Variants in DNMT3A observed in about 807,000 individuals in gnomAD.
The protein encoded by DNMT3A is DNA methyltransferase 3 alpha, also known as DNA (cytosine-5)-methyltransferase 3A.
In DNMT3A, 267 loss-of-function variants were observed where a neutral mutation model predicts 117.6. The ratio of observed to expected loss-of-function variants is 2.27; its 90% CI spans 2.05 to 2.51. The LOEUF (loss-of-function observed/expected upper bound fraction) is 2.51, where lower values mean the gene tolerates loss of function less well. DNMT3A is among the 30% of genes most tolerant of loss of function. DNMT3A has a pLI of 0.00. For missense variants in DNMT3A, 1,029 were observed against 1,260.2 expected (o/e 0.82, Z 2.78); for synonymous variants, 432 against 474.8 (o/e 0.91, Z 1.17).
chr2:25,246,396 G>T, intron 10 of DNMT3A, 87 bp from the exon 11 acceptor site: 11 of 1,503,918 alleles, frequency 7.3e-6, no homozygotes, highest in Non-Finnish European at 9.8e-6. Context: ...AGTGGGGTGC[G>T]GCCTGGTCTC....
Position 25,252,641 on chromosome 2 carries a change from G to T in DNMT3A, c.640-4389C>A, listed in dbSNP as rs920146949. ...GGGGCCGGGGGGCCGGGAGGGGAGG[G>T]AAGGGGCTGCTCCCGAGCCGCCTGC... On this transcript the variant is annotated intron_variant, in intron 6 of 22. Transcript: ENST00000321117. The surrounding 1 kb of genome is among the most constrained non-coding windows in gnomAD (Gnocchi z 5.5). Among the ~76,000 whole-genome samples the T allele has an allele frequency of 2.0e-5, 3 of 152,088 alleles. No individual in the cohort carries two copies. The highest frequency in any genetic ancestry group is 4.4e-5 in the Non-Finnish European group (3 of 67,996).
At position 25,240,595 on chromosome 2, in the gene DNMT3A, C is replaced by T. The variant is rs202044245; in HGVS notation, c.2173+45G>A. 2.4e-3 allele frequency: 3,859 copies of T among 1,609,922 alleles called. 7 individuals carry two copies. The highest frequency in any genetic ancestry group is 3.0e-3 in the Non-Finnish European group (3,496 of 1,177,220). ...AATATCCAAGGAGGAAGCCTATGTG[C>T]GGAAGCACCAGCTGAGAAGGTGGAG... On this transcript the variant is annotated intron_variant, in intron 18 of 22. Coordinates refer to ENST00000321117, the MANE Select transcript of DNMT3A (RefSeq NM_022552.5).
Position 25,282,646 on chromosome 2 carries a change from G to A in DNMT3A, c.243C>T (p.Asp81=). The A allele has an allele frequency of 5.6e-6, 9 of 1,606,964 alleles. No individual in the cohort carries two copies. Among genetic ancestry groups the A allele is most frequent in the Non-Finnish European group, 7.6e-6 (9 of 1,176,694 alleles). ...TGGGTAATAGCTCTGAGGCGCCTGA[G>A]TCCTGGGCCATGGATGGGGACTTGG... is the stretch of plus-strand genomic sequence containing the variant. ...VISKSPSMAQ[D]SGASELLPNG... is the part of the protein sequence containing the mutation. The change falls in exon 4 of 23, where the codon GAC becomes GAT. Residue 81 remains aspartate, a synonymous_variant. Transcript: ENST00000321117. The surrounding 1 kb of genome is among the most constrained non-coding windows in gnomAD (Gnocchi z 5.2).
intron 16 of DNMT3A, 132 bp from the exon 17 acceptor site, chr2:25,241,839 A>T: frequency 2.5e-6 from 3 of 1,192,250 alleles, no homozygotes; most frequent in African/African-American, 3.1e-5. Flanking sequence ...TTCCCTGAAG[A>T]TGCCTTAAAT....
At chr2:25,274,876 GC>G in intron 6 of DNMT3A, 64 bp downstream of exon 6, 1 of 1,557,078 alleles carries the variant, frequency 6.4e-7, no homozygotes, top group Non-Finnish European at 8.7e-7. Context: ...GGAAACTGAG[GC>G]CCATCACTTC....
Position 25,236,783 on chromosome 2 carries a change from C to T in DNMT3A, c.2478+153G>A. 1.3e-6 allele frequency: 1 copy of T among 747,488 alleles called. No individual in the cohort carries two copies. The highest frequency in any genetic ancestry group is 1.8e-5 in the African/African-American group (1 of 55,284). 46.3% of individuals were successfully genotyped at this position (747,488 alleles called of 1,614,324 possible). ...CCAGCAGCCCTGGGCCCTCCTCTGGCTGCCCTGCTGCATGACCCTGCACCG... is the reference window on the plus strand; with the variant it reads ...CCAGCAGCCCTGGGCCCTCCTCTGGTTGCCCTGCTGCATGACCCTGCACCG... On this transcript the variant is annotated intron_variant, in intron 21 of 22. Transcript: ENST00000321117. This position sits in a 1 kb window ranked among gnomAD's most constrained non-coding sequence, Gnocchi z 4.5.
At chr2:25,253,083 C>G (rs1160882871) in intron 6 of DNMT3A, among the ~76,000 whole-genome samples, 1 of 152,190 alleles carries the variant, frequency 6.6e-6, no homozygotes, top group Non-Finnish European at 1.5e-5. Flanking sequence ...TTCAGCAATT[C>G]CTTCATTCCC....
At chr2:25,300,028 T>C (rs1251089743) in intron 3 of DNMT3A, 111 bp downstream of exon 3, 1 of 1,116,814 alleles carries the variant, frequency 9.0e-7, no homozygotes, top group Non-Finnish European at 1.3e-6. Flanking sequence ...CCCCATCACC[T>C]GGTCTTAAAT....
intron 6 of DNMT3A, among the ~76,000 whole-genome samples, chr2:25,251,312 A>G (rs1675527024): frequency 1.3e-5 from 2 of 151,060 alleles, no homozygotes; most frequent in African/African-American, 4.9e-5. Context: ...GCAAACAATA[A>G]GAGAAACAGG....
chr2:25,234,517 G>A lies in DNMT3A; in HGVS notation c.2598-97C>T. 1 of 1,412,172 alleles carries A rather than the reference G, an allele frequency of 7.1e-7. No homozygotes were observed. Among genetic ancestry groups the A allele is most frequent in the Non-Finnish European group, 9.5e-7 (1 of 1,057,070 alleles). 87.5% of individuals were successfully genotyped at this position (1,412,172 alleles called of 1,614,324 possible). On this transcript the variant is annotated intron_variant, in intron 22 of 22. Coordinates refer to ENST00000321117, the MANE Select transcript of DNMT3A (RefSeq NM_022552.5). The surrounding 1 kb of genome is among the most constrained non-coding windows in gnomAD (Gnocchi z 4.5). ...CACAGCAGGACCCGGAGGACCAGCA[G>A]CCACCCGAAGTGCAGGGACAGGGGC...
chr2:25,244,428 G>T, intron 14 of DNMT3A, 90 bp from the exon 15 acceptor site: 2 of 1,571,186 alleles, frequency 1.3e-6, no homozygotes, highest in South Asian at 1.1e-5. Flanking sequence ...ACCGGGTCTG[G>T]AGCATGGCTA....
At chr2:25,317,025 C>T (rs2034408210) in intron 1 of DNMT3A, among the ~76,000 whole-genome samples, 1 of 152,210 alleles carries the variant, frequency 6.6e-6, no homozygotes, top group Non-Finnish European at 1.5e-5. Flanking sequence ...TACCAAGGCT[C>T]ACTACCTTCT....
intron 3 of DNMT3A, among the ~76,000 whole-genome samples, chr2:25,288,284 A>T (rs58267608): frequency 6.6e-6 from 1 of 151,826 alleles, no homozygotes; most frequent in Non-Finnish European, 1.5e-5. Context: ...AATACAAAAA[A>T]TTCGCCAGGC....
intron 6 of DNMT3A, among the ~76,000 whole-genome samples, chr2:25,269,054 G>A (rs2030626790): frequency 6.6e-6 from 1 of 152,254 alleles, no homozygotes; most frequent in African/African-American, 2.4e-5. Context: ...GAGTGCAGTG[G>A]CTCATGCCTG....
chr2:25,274,899 T>A, intron 6 of DNMT3A, 42 bp downstream of exon 6: 1 of 1,580,394 alleles, frequency 6.3e-7, no homozygotes, highest in Non-Finnish European at 8.6e-7. Flanking sequence ...GGTTTTCCAG[T>A]TCTGCAGGAC....
chr2:25,249,307 C>T (rs1297732674), intron 6 of DNMT3A, among the ~76,000 whole-genome samples: 2 of 152,182 alleles, frequency 1.3e-5, no homozygotes, highest in Non-Finnish European at 2.9e-5. Context: ...TCCTGGTTTC[C>T]AGGCCACAAT....
intron 3 of DNMT3A, among the ~76,000 whole-genome samples, chr2:25,285,401 C>A (rs1234869313): frequency 1.3e-5 from 2 of 152,232 alleles, no homozygotes; most frequent in Non-Finnish European, 2.9e-5. Context: ...TGCTTTCCTC[C>A]CTGGATGGGG....
Position 25,237,509 on chromosome 2 carries a change from T to C in DNMT3A, c.2409-504A>G, listed in dbSNP as rs1314272803. The stretch of plus-strand genomic sequence containing the variant: ...TGGGCCAGGCGCAGTGGCTCATGCC[T>C]GCAATCCCAGCCCTTTGGAAGGCTG... On this transcript the variant is annotated intron_variant, in intron 20 of 22. Transcript: ENST00000321117. This position sits in a 1 kb window ranked among gnomAD's most constrained non-coding sequence, Gnocchi z 5.4. Among the ~76,000 whole-genome samples the C allele has an allele frequency of 6.6e-6, 1 of 152,228 alleles. No homozygotes were observed. Among genetic ancestry groups the C allele is most frequent in the Admixed American group, 6.5e-5 (1 of 15,282 alleles).
At position 25,252,212 on chromosome 2, in the gene DNMT3A, C is replaced by T; in HGVS notation, c.640-3960G>A. 6.4e-7 allele frequency: 1 copy of T among 1,561,426 alleles called. No homozygotes were observed. The highest frequency in any genetic ancestry group is 8.7e-7 in the Non-Finnish European group (1 of 1,155,144). On this transcript the variant is annotated intron_variant, in intron 6 of 22. Transcript: ENST00000321117. The surrounding 1 kb of genome is among the most constrained non-coding windows in gnomAD (Gnocchi z 5.5). ...AACCTACCCATAAGGCCAGGTGCAG[C>T]CCCTCTGCAGTCGCGCTCAGGTGTG... is the stretch of plus-strand genomic sequence containing the variant.
Sources: allele counts gnomAD v4.1 joint callset (sites outside exome capture counted in the v4.1 genomes callset), GRCh38; gene constraint gnomAD v4.1.1; non-coding constraint Gnocchi (gnomAD v3.1); transcripts MANE v1.5; gene names NCBI Gene and HGNC (gene_info 2026-07-23, HGNC 2026-07-21).